The following PDE3A variants were observed in gnomAD, a reference collection of about 807,000 sequenced individuals.
The protein encoded by PDE3A is cGMP-inhibited 3',5'-cyclic phosphodiesterase 3A.
PDE3A carries 43 observed loss-of-function variants against 98.3 expected under a neutral mutation model. That is an observed-to-expected ratio of 0.44 (90% CI 0.34 to 0.56). The LOEUF is 0.56. Ranked by LOEUF, PDE3A falls within the 20% of genes least tolerant of loss-of-function variation. PDE3A has a pLI of 0.01. For missense variants in PDE3A, 1,427 were observed against 1,440.7 expected (o/e 0.99, Z 0.15); for synonymous variants, 663 against 567.9 (o/e 1.17, Z -2.38).
At position 20,516,840 on chromosome 12, in the gene PDE3A, A is replaced by G. The variant is rs550917894; in HGVS notation, c.961-39820A>G. On this transcript the variant is annotated intron_variant, in intron 1 of 15. Transcript: ENST00000359062. ...AATGTCACCAATGTAATTTACATTG[A>G]GATAAGTTTTATTCAAAAGAATGAG... 8.9e-4 allele frequency among the ~76,000 whole-genome samples: 136 copies of G among 152,338 alleles called. 1 individual carries two copies. The highest frequency in any genetic ancestry group is 1.3e-3 in the Non-Finnish European group (86 of 68,034).
chr12:20,422,566 T>C (rs1187014343), intron 1 of PDE3A, among the ~76,000 whole-genome samples: 1 of 152,184 alleles, frequency 6.6e-6, no homozygotes, highest in African/African-American at 2.4e-5. Flanking sequence ...AATACAACAG[T>C]GGCCTGTTTT....
intron 6 of PDE3A, among the ~76,000 whole-genome samples, chr12:20,631,700 A>ATTTTTTTTTTT (rs58133440): frequency 3.4e-5 from 4 of 116,876 alleles, no homozygotes; most frequent in Non-Finnish European, 5.5e-5. Context: ...ATCATAGTGT[A>ATTTTTTTTTTT]TTTTTTTTTT....
intron 2 of PDE3A, among the ~76,000 whole-genome samples, chr12:20,577,906 A>G (rs1942972554): frequency 6.6e-6 from 1 of 152,172 alleles, no homozygotes; most frequent in Non-Finnish European, 1.5e-5. Flanking sequence ...GTAGTTTTCA[A>G]AAGATGGGAA....
chr12:20,669,738 C>A (rs977148691), intron 15 of PDE3A, among the ~76,000 whole-genome samples: 1 of 152,032 alleles, frequency 6.6e-6, no homozygotes, highest in Non-Finnish European at 1.5e-5. Flanking sequence ...CCAGCTGCTG[C>A]AAAATCATGC....
chr12:20,620,736 A>G (rs1217709361), intron 4 of PDE3A, among the ~76,000 whole-genome samples: 1 of 151,922 alleles, frequency 6.6e-6, no homozygotes, highest in Non-Finnish European at 1.5e-5. Context: ...CATCAGCTCC[A>G]TTGTTGGCAT....
rs748826997 is a variant in PDE3A, at chr12:20,646,595, G to C, written c.2357G>C (p.Ser786Thr). The C allele has an allele frequency of 6.4e-6, 10 of 1,569,198 alleles. No individual in the cohort carries two copies. In the African/African-American group the frequency reaches 9.5e-5, roughly 15 times the overall value. The change falls in exon 11 of 16, where the codon AGT becomes ACT. Residue 786 changes from serine (S) to threonine (T), a missense_variant. Ser to Thr is a moderately conservative substitution (Grantham distance 58). Transcript: ENST00000359062. ...GTGATTAATGATCATGGTTCAACCAGTGATTCAGGTATGTACGAAGTGAAT... is the reference window on the plus strand; with the variant it reads ...GTGATTAATGATCATGGTTCAACCACTGATTCAGGTATGTACGAAGTGAAT... ...STVINDHGST[S>T]DSDSDSGFTH...
At position 20,558,691 on chromosome 12, in the gene PDE3A, A is replaced by AAATAATAATAATAAT. The variant is rs66996145; in HGVS notation, c.1011+1996_1011+2010dup. ...ATCTGATTTCAATTCCCTGCTGACG[A>AAATAATAATAATAAT]AATAATAATAATAATAATAATAATA... On this transcript the variant is annotated intron_variant, in intron 2 of 15. Transcript: ENST00000359062. Among the ~76,000 whole-genome samples the AAATAATAATAATAAT allele has an allele frequency of 4.4e-3, 647 of 147,838 alleles. 3 individuals are homozygous for AAATAATAATAATAAT. The highest frequency in any genetic ancestry group is 5.6e-3 in the Non-Finnish European group (374 of 67,120).
chr12:20,423,233 T>C (rs1300258089), intron 1 of PDE3A, among the ~76,000 whole-genome samples: 4 of 152,236 alleles, frequency 2.6e-5, no homozygotes, highest in Non-Finnish European at 5.9e-5. Flanking sequence ...TGTGTTTTCA[T>C]AGGTATGAAA....
At chr12:20,668,193 G>T (rs2064209401) in intron 15 of PDE3A, among the ~76,000 whole-genome samples, 2 of 152,194 alleles carry the variant, frequency 1.3e-5, no homozygotes, top group South Asian at 2.1e-4. Flanking sequence ...GGCTTGGAGG[G>T]TCCTACGCCC....
At chr12:20,538,181 G>A (rs966866109) in intron 1 of PDE3A, among the ~76,000 whole-genome samples, 4 of 152,012 alleles carry the variant, frequency 2.6e-5, no homozygotes, top group South Asian at 2.1e-4. Flanking sequence ...ATGAAAAATC[G>A]CACTCTGTGT....
intron 1 of PDE3A, among the ~76,000 whole-genome samples, chr12:20,379,969 C>G (rs1943634665): frequency 1.3e-5 from 2 of 151,660 alleles, no homozygotes; most frequent in South Asian, 4.1e-4. Context: ...TGAAAAATTT[C>G]TGAAATTTGG....
intron 1 of PDE3A, among the ~76,000 whole-genome samples, chr12:20,515,887 T>C (rs1392365358): frequency 1.5e-4 from 23 of 149,716 alleles, no homozygotes; most frequent in Admixed American, 1.5e-3. Context: ...CGCCTGCCAC[T>C]ACGCCCGGCT....
rs896754977 is a variant in PDE3A, at chr12:20,552,038, T to C, written c.961-4622T>C. 6.2e-7 allele frequency: 1 copy of C among 1,612,226 alleles called. No individual in the cohort carries two copies. Among genetic ancestry groups the C allele is most frequent in the Non-Finnish European group, 8.5e-7 (1 of 1,179,886 alleles). ...CTGGCGGGGGGCTACGAGGATGACG[T>C]GGACCATGGGAATTTTTTCACATAC... On this transcript the variant is annotated intron_variant, in intron 1 of 15. Transcript: ENST00000359062. This position sits in a 1 kb window ranked among gnomAD's most constrained non-coding sequence, Gnocchi z 5.1.
chr12:20,488,941 G>A (rs1000397250), intron 1 of PDE3A, among the ~76,000 whole-genome samples: 1 of 151,216 alleles, frequency 6.6e-6, no homozygotes, highest in Non-Finnish European at 1.5e-5. Flanking sequence ...CATTATGCCA[G>A]AAGTATCCAG....
At chr12:20,596,059 T>C (rs983089014) in intron 2 of PDE3A, among the ~76,000 whole-genome samples, 1 of 152,222 alleles carries the variant, frequency 6.6e-6, no homozygotes, top group African/African-American at 2.4e-5. Context: ...TTGTCCTTTT[T>C]TGCATAGATC....
At chr12:20,529,992 T>G (rs1051281399) in intron 1 of PDE3A, among the ~76,000 whole-genome samples, 7 of 152,330 alleles carry the variant, frequency 4.6e-5, no homozygotes, top group Non-Finnish European at 1.0e-4. Flanking sequence ...TCACAAATTG[T>G]TATGAGGACT....
chr12:20,441,222 A>G (rs1363794451), intron 1 of PDE3A, among the ~76,000 whole-genome samples: 1 of 152,200 alleles, frequency 6.6e-6, no homozygotes, highest in African/African-American at 2.4e-5. Flanking sequence ...TCCAGACTTG[A>G]AAGAGATTAT....
intron 1 of PDE3A, among the ~76,000 whole-genome samples, chr12:20,547,309 T>G (rs1942085508): frequency 6.6e-6 from 1 of 152,176 alleles, no homozygotes. Context: ...GTATACTATG[T>G]TTCTGTGTTT....
intron 1 of PDE3A, among the ~76,000 whole-genome samples, chr12:20,383,939 A>G (rs1687568826): frequency 6.6e-6 from 1 of 151,978 alleles, no homozygotes; most frequent in African/African-American, 2.4e-5. Flanking sequence ...CGATGTAAGA[A>G]GGAAACCAAT....
Sources: allele counts gnomAD v4.1 joint callset (sites outside exome capture counted in the v4.1 genomes callset), GRCh38; gene constraint gnomAD v4.1.1; non-coding constraint Gnocchi (gnomAD v3.1); transcripts MANE v1.5; gene names NCBI Gene and HGNC (gene_info 2026-07-23, HGNC 2026-07-21).